Variants in RARB observed in about 807,000 individuals in gnomAD.
The protein encoded by RARB is retinoic acid receptor beta.
In RARB, 17 loss-of-function variants were observed where a neutral mutation model predicts 51.9. The observed-to-expected ratio is 0.33, with a 90% CI of 0.22 to 0.49. The LOEUF is 0.49. Ranked by LOEUF, RARB falls within the 20% of genes least tolerant of loss-of-function variation. The pLI, the probability that RARB is intolerant of heterozygous loss-of-function variation, is 0.99. For missense variants in RARB, 369 were observed against 550.8 expected, an observed-to-expected ratio of 0.67 and a Z score of 3.30; for synonymous variants, 215 against 195.4, an observed-to-expected ratio of 1.10 and a Z score of -0.84.
At chr3:25,449,634 A>C (rs1400435494) in intron 1 of RARB, among the ~76,000 whole-genome samples, 2 of 152,020 alleles carry the variant, frequency 1.3e-5, no homozygotes, top group Admixed American at 6.5e-5. Flanking sequence ...GTTCAAATCC[A>C]TGCTTTTTAT....
intron 4 of RARB, among the ~76,000 whole-genome samples, chr3:25,155,503 A>T (rs1053642916): frequency 9.9e-5 from 15 of 152,220 alleles, no homozygotes; most frequent in Non-Finnish European, 2.2e-4. Flanking sequence ...AATTTGCTTT[A>T]GAGTTGCTAG....
intron 3 of RARB, among the ~76,000 whole-genome samples, chr3:25,512,534 A>G (rs1697946731): frequency 6.6e-6 from 1 of 152,190 alleles, no homozygotes; most frequent in Non-Finnish European, 1.5e-5. Flanking sequence ...TGTGCCCCCA[A>G]ATGTGCCACA....
At chr3:25,251,429 T>C (rs1449402541) in intron 5 of RARB, among the ~76,000 whole-genome samples, 2 of 152,172 alleles carry the variant, frequency 1.3e-5, no homozygotes, top group Non-Finnish European at 1.5e-5. Context: ...TATGTTTAAC[T>C]TTTTAAGGTC....
intron 2 of RARB, among the ~76,000 whole-genome samples, chr3:25,040,300 C>A (rs979772775): frequency 6.6e-6 from 1 of 152,178 alleles, no homozygotes; most frequent in South Asian, 2.1e-4. Context: ...ATTCTTTCAA[C>A]AAGCTTGCAT....
chr3:25,385,789 C>G (rs1037293497), intron 5 of RARB, among the ~76,000 whole-genome samples: 4 of 152,144 alleles, frequency 2.6e-5, no homozygotes, highest in Non-Finnish European at 5.9e-5. Context: ...GAAAAGTGTT[C>G]TGAGTGGGAT....
chr3:24,864,047 C>A (rs1185009840), intron 2 of RARB, among the ~76,000 whole-genome samples: 1 of 152,094 alleles, frequency 6.6e-6, no homozygotes, highest in Non-Finnish European at 1.5e-5. Context: ...GATTTTCTGC[C>A]CTAAGCTTAG....
chr3:25,251,644 C>T (rs1702723851), intron 5 of RARB, among the ~76,000 whole-genome samples: 1 of 152,108 alleles, frequency 6.6e-6, no homozygotes, highest in Admixed American at 6.5e-5. Flanking sequence ...TGCCTATTGG[C>T]TATTTGCATA....
chr3:25,519,388 G>A (rs1698308751), intron 3 of RARB, among the ~76,000 whole-genome samples: 1 of 152,146 alleles, frequency 6.6e-6, no homozygotes, highest in Admixed American at 6.5e-5. Flanking sequence ...TCCATCAGCA[G>A]TGTATGGGAA....
Position 25,428,897 on chromosome 3 carries a change from A to G in RARB, c.157+9A>G. The G allele has an allele frequency of 6.3e-7, 1 of 1,583,126 alleles. No homozygotes were observed. The highest frequency in any genetic ancestry group is 8.6e-7 in the Non-Finnish European group (1 of 1,159,980). On this transcript the variant is annotated intron_variant, in intron 1 of 7. Coordinates refer to ENST00000330688, the MANE Select transcript of RARB (RefSeq NM_000965.5). ...TCGGCACACTGCTCAATGTAGGTTT[A>G]TTTTTTTCCCTTCTTCTACCAAGAA... is the stretch of plus-strand genomic sequence containing the variant.
intron 2 of RARB, among the ~76,000 whole-genome samples, chr3:24,985,470 T>C (rs1696768649): frequency 6.6e-6 from 1 of 152,116 alleles, no homozygotes; most frequent in Non-Finnish European, 1.5e-5. Flanking sequence ...AAATCTTTGC[T>C]ACAGTATTTA....
chr3:25,259,030 A>G (rs1702935080), intron 5 of RARB: 1 of 985,314 alleles, frequency 1.0e-6, no homozygotes, highest in African/African-American at 1.7e-5. Context: ...TGCTTCTGAT[A>G]TTAGTAGGCA....
chr3:25,249,807 G>C, intron 5 of RARB, among the ~76,000 whole-genome samples: 1 of 66,034 alleles, frequency 1.5e-5, no homozygotes, highest in African/African-American at 1.4e-4. Context: ...GGGGATGTCA[G>C]GTAAGTCAGG....
At chr3:25,077,733 T>C (rs1193023288) in intron 3 of RARB, among the ~76,000 whole-genome samples, 1 of 151,942 alleles carries the variant, frequency 6.6e-6, no homozygotes, top group Non-Finnish European at 1.5e-5. Context: ...TGTGTATGTA[T>C]ATATATATAT....
chr3:25,406,474 C>T (rs1707411977), intron 5 of RARB, among the ~76,000 whole-genome samples: 1 of 152,226 alleles, frequency 6.6e-6, no homozygotes, highest in African/African-American at 2.4e-5. Flanking sequence ...CCTTGGCTTG[C>T]AGCTGGCTGC....
chr3:25,367,816 G>GAA (rs1706170956), intron 5 of RARB, among the ~76,000 whole-genome samples: 1 of 78,936 alleles, frequency 1.3e-5, no homozygotes, highest in East Asian at 8.3e-4. Flanking sequence ...AAAAAAACAA[G>GAA]CAAAAAAAAA....
At chr3:24,863,644 G>C (rs1290259954) in intron 2 of RARB, among the ~76,000 whole-genome samples, 2 of 151,288 alleles carry the variant, frequency 1.3e-5, no homozygotes, top group African/African-American at 4.9e-5. Context: ...AATTTAATTA[G>C]AGAACACCAC....
intron 2 of RARB, among the ~76,000 whole-genome samples, chr3:24,881,897 A>G (rs1703173763): frequency 1.3e-5 from 2 of 152,214 alleles, no homozygotes; most frequent in Admixed American, 1.3e-4. Flanking sequence ...GAATTAGTGA[A>G]ATTAACAAAA....
At chr3:25,020,918 G>A (rs955374802) in intron 2 of RARB, among the ~76,000 whole-genome samples, 2 of 152,140 alleles carry the variant, frequency 1.3e-5, no homozygotes, top group Non-Finnish European at 2.9e-5. Flanking sequence ...GCAGTGAGCC[G>A]AGATCGTGCC....
chr3:25,162,800 A>T (rs1234155264), intron 4 of RARB, among the ~76,000 whole-genome samples: 2 of 152,198 alleles, frequency 1.3e-5, no homozygotes, highest in Admixed American at 1.3e-4. Context: ...GTATAGATGG[A>T]CCACTTTTGT....
Sources: gnomAD v4.1 joint callset for allele counts (sites outside exome capture counted in the v4.1 genomes callset) on GRCh38, gnomAD v4.1.1 for gene constraint, MANE v1.5 for transcripts, NCBI Gene and HGNC (gene_info 2026-07-23, HGNC 2026-07-21) for gene names.